The following HMCN1 variants were observed in gnomAD, a reference collection of about 807,000 sequenced individuals.
The protein encoded by HMCN1 is hemicentin-1.
A neutral mutation model predicts 625.9 loss-of-function variants in HMCN1; 321 were observed. The ratio of observed to expected loss-of-function variants is 0.51; its 90% CI spans 0.47 to 0.56. HMCN1 has a LOEUF of 0.56. Ranked by LOEUF, HMCN1 falls within the 20% of genes least tolerant of loss-of-function variation. HMCN1 has a pLI of 0.00. For synonymous variants in HMCN1, 2,425 were observed against 2,417.6 expected, an observed-to-expected ratio of 1.00 and a Z score of -0.09; for missense variants, 6,588 against 6,887.3, an observed-to-expected ratio of 0.96 and a Z score of 1.54.
rs369558992 is a variant in HMCN1 at position 186,070,637 on chromosome 1, C to G, written c.8019C>G (p.Asp2673Glu). The change falls in exon 52 of 107, where the codon GAC becomes GAG. Residue 2673 changes from aspartate to glutamate, a missense_variant. By Grantham distance (45) the Asp-to-Glu change is conservative. Coordinates refer to ENST00000271588, the MANE Select transcript of HMCN1 (RefSeq NM_031935.3). ...TTCCACCCATAATCAATAAAGGGGA[C>G]CTTTGGGGGCCAGGTCTTTCCCCTA... ...VYIPPIINKG[D>E]LWGPGLSPKE... The G allele has an allele frequency of 6.2e-7, 1 of 1,612,736 alleles. No homozygotes were observed. The highest frequency in any genetic ancestry group is 8.5e-7 in the Non-Finnish European group (1 of 1,178,848).
intron 1 of HMCN1, among the ~76,000 whole-genome samples, chr1:185,813,552 T>C (rs1659659853): frequency 6.6e-6 from 1 of 152,140 alleles, no homozygotes; most frequent in South Asian, 2.1e-4. Flanking sequence ...ATATATAATA[T>C]ATGGATCTGT....
chr1:186,138,357 T>G (rs1018008585), intron 89 of HMCN1, among the ~76,000 whole-genome samples: 2 of 151,970 alleles, frequency 1.3e-5, no homozygotes, highest in Non-Finnish European at 2.9e-5. Flanking sequence ...TGGTGAGGAG[T>G]AAATACGAAT....
chr1:185,900,008 G>A (rs546622376), intron 4 of HMCN1, among the ~76,000 whole-genome samples: 1 of 152,010 alleles, frequency 6.6e-6, no homozygotes, highest in South Asian at 2.1e-4. Flanking sequence ...CTATGGGTTG[G>A]ATGCTTTTTT....
chr1:185,865,582 T>TAC (rs56891910), intron 3 of HMCN1, among the ~76,000 whole-genome samples, 159 bp from the exon 4 acceptor site: 11,245 of 135,128 alleles, frequency 0.083, 504 homozygotes, highest in Admixed American at 0.14. Context: ...TATATAAGCA[T>TAC]ACACACACAC....
At chr1:185,789,563 T>C (rs1657853985) in intron 1 of HMCN1, among the ~76,000 whole-genome samples, 1 of 152,196 alleles carries the variant, frequency 6.6e-6, no homozygotes, top group Non-Finnish European at 1.5e-5. Flanking sequence ...AAAAATAGGA[T>C]CATAAATTTT....
In HMCN1 at chr1:186,137,673, A is replaced by C; in HGVS notation, c.13753+5A>C. On this transcript the variant is annotated splice_donor_5th_base_variant and intron_variant, in intron 88 of 106. Coordinates refer to ENST00000271588, the MANE Select transcript of HMCN1 (RefSeq NM_031935.3). ...GTCAAAATAAGCCTTGTCCAGGTAC[A>C]CCTCCTTATTTAACTGATAGGCATG... 2 of 1,613,932 alleles carry C rather than the reference A, an allele frequency of 1.2e-6. No individual in the cohort carries two copies. Among genetic ancestry groups the C allele is most frequent in the Non-Finnish European group, 1.7e-6 (2 of 1,179,934 alleles).
chr1:185,734,896 C>T lies in HMCN1; in HGVS notation c.117C>T (p.Ala39=), dbSNP rs1653452077. The change falls in exon 1 of 107, where the codon GCC becomes GCT. Residue 39 remains alanine (A), a synonymous_variant. Coordinates refer to ENST00000271588, the MANE Select transcript of HMCN1 (RefSeq NM_031935.3). ...EIRAEEIPEG[A]STLAFVFDVT... ...GAGCTGAGGAAATTCCCGAGGGGGCCTCCACGTTGGCTTTTGTGTTTGATG... is the reference window on the plus strand; with the variant it reads ...GAGCTGAGGAAATTCCCGAGGGGGCTTCCACGTTGGCTTTTGTGTTTGATG... 1.9e-6 allele frequency: 3 copies of T among 1,614,178 alleles called. No individual in the cohort carries two copies. Among genetic ancestry groups the T allele is most frequent in the Non-Finnish European group, 2.5e-6 (3 of 1,180,016 alleles).
intron 81 of HMCN1, among the ~76,000 whole-genome samples, chr1:186,125,208 A>G (rs938133045): frequency 6.6e-6 from 1 of 152,042 alleles, no homozygotes; most frequent in Non-Finnish European, 1.5e-5. Flanking sequence ...TTATTAGTTC[A>G]TCCTCATAAT....
Position 186,171,344 on chromosome 1 carries a change from T to C in HMCN1, c.15582T>C (p.Asn5194=). Residue 5194 remains asparagine, a synonymous_variant, in exon 101 of 107, where the codon AAT becomes AAC. Transcript: ENST00000271588. ...TTTTGTTTTATTTAACAGATATTAATGAATGTCAAGAATCCAGCCCCTGTC... is the reference window on the plus strand; with the variant it reads ...TTTTGTTTTATTTAACAGATATTAACGAATGTCAAGAATCCAGCCCCTGTC... ...TSDGLSCQDI[N]ECQESSPCHQ... is the part of the protein sequence containing the mutation. The C allele has an allele frequency of 6.2e-7, 1 of 1,612,004 alleles. No homozygotes were observed.
chr1:186,151,852 A>C, intron 95 of HMCN1, 109 bp downstream of exon 95: 1 of 1,158,752 alleles, frequency 8.6e-7, no homozygotes, highest in Non-Finnish European at 1.3e-6. Context: ...CTTTTTACGC[A>C]ATCTTATAAG....
rs376671549 is a variant in HMCN1 at position 186,137,760 on chromosome 1, A to G, written c.13754-42A>G. 150 of 1,613,906 alleles carry G rather than the reference A, an allele frequency of 9.3e-5. 2 individuals are homozygous for G. Among genetic ancestry groups the G allele is most frequent in the Middle Eastern group, 1.6e-4 (1 of 6,082 alleles). ...GATTGCCCCAGTGTAAGTATTCCCA[A>G]TTGAAATATACCTGATGGTGTAATG... On this transcript the variant is annotated intron_variant, in intron 88 of 106. Transcript: ENST00000271588.
At chr1:186,081,476 AT>A in intron 56 of HMCN1, 82 bp downstream of exon 56, 1 of 946,410 alleles carries the variant, frequency 1.1e-6, no homozygotes, top group Non-Finnish European at 1.6e-6. Context: ...TTTAAAAATA[AT>A]TTTTATTAGC....
At chr1:185,912,013 T>G (rs1383466619) in intron 6 of HMCN1, among the ~76,000 whole-genome samples, 1 of 152,184 alleles carries the variant, frequency 6.6e-6, no homozygotes, top group African/African-American at 2.4e-5. Flanking sequence ...AATTCTCAGA[T>G]AGTTTTCCTA....
intron 1 of HMCN1, among the ~76,000 whole-genome samples, chr1:185,794,343 TTA>T (rs61058896): frequency 2.8e-4 from 42 of 147,596 alleles, no homozygotes; most frequent in Middle Eastern, 3.5e-3. Flanking sequence ...AGAGGATAGA[TTA>T]TATATATATA....
At chr1:186,146,932 T>C (rs1650351882) in intron 93 of HMCN1, among the ~76,000 whole-genome samples, 1 of 152,120 alleles carries the variant, frequency 6.6e-6, no homozygotes, top group Non-Finnish European at 1.5e-5. Flanking sequence ...GGGACTCAAG[T>C]CCCTCTGTGA....
intron 48 of HMCN1, among the ~76,000 whole-genome samples, chr1:186,064,949 T>C (rs1449266183): frequency 6.6e-6 from 1 of 152,034 alleles, no homozygotes; most frequent in Non-Finnish European, 1.5e-5. Context: ...ATAGTATAAA[T>C]TTAGTTATTT....
chr1:185,735,982 C>T (rs1653539309), intron 1 of HMCN1, among the ~76,000 whole-genome samples: 2 of 152,216 alleles, frequency 1.3e-5, no homozygotes, highest in African/African-American at 2.4e-5. Context: ...TGTTCTCCCA[C>T]ACTTTTCCTG....
At chr1:185,785,590 C>T (rs1259379877) in intron 1 of HMCN1, among the ~76,000 whole-genome samples, 1 of 152,178 alleles carries the variant, frequency 6.6e-6, no homozygotes, top group East Asian at 1.9e-4. Flanking sequence ...TCCTTCTCTT[C>T]ACCCATGTTT....
intron 102 of HMCN1, among the ~76,000 whole-genome samples, chr1:186,174,301 G>GT (rs1652425576): frequency 6.6e-6 from 1 of 152,240 alleles, no homozygotes; most frequent in Non-Finnish European, 1.5e-5. Flanking sequence ...TCTCTCCATA[G>GT]TAGGGAGCAG....
Sources: gnomAD v4.1 joint callset for allele counts (sites outside exome capture counted in the v4.1 genomes callset) on GRCh38, gnomAD v4.1.1 for gene constraint, MANE v1.5 for transcripts, NCBI Gene and HGNC (gene_info 2026-07-23, HGNC 2026-07-21) for gene names.